The following LUZP2 variants were observed in gnomAD, a reference collection of about 807,000 sequenced individuals.
LUZP2 encodes leucine zipper protein 2.
Under a neutral mutation model 51.6 loss-of-function variants are expected in LUZP2, and 52 were observed. That is an observed-to-expected ratio of 1.01 (90% CI 0.81 to 1.27). The LOEUF (loss-of-function observed/expected upper bound fraction) is 1.27, where lower values mean the gene tolerates loss of function less well. Among genes scored for constraint, LUZP2 ranks in the 50% most tolerant of loss-of-function variants. The pLI is 0.00. For missense variants in LUZP2, 436 were observed against 395.4 expected (o/e 1.10, Z -0.87); for synonymous variants, 154 against 137.3 (o/e 1.12, Z -0.85).
rs1037329003 is a variant in LUZP2, at chr11:25,080,940, A to G, written c.*2282A>G. ...GTTGATATTAATCATGTTTTTATCA[A>G]TCTTCATTTTAAAGTTGTTTTTGTT... On this transcript the variant is annotated 3_prime_UTR_variant, in exon 12 of 12. Transcript: ENST00000336930. 15 of 151,792 alleles carry G rather than the reference A, an allele frequency of 9.9e-5. No homozygotes were observed. Among genetic ancestry groups the G allele is most frequent in the Non-Finnish European group, 1.6e-4 (11 of 67,982 alleles). The allele number at this position is 151,792 out of a possible 1,614,324, so 9.4% of individuals were successfully genotyped here.
intron 7 of LUZP2, among the ~76,000 whole-genome samples, chr11:24,972,497 A>T (rs188292359): frequency 1.3e-5 from 2 of 152,138 alleles, no homozygotes; most frequent in Non-Finnish European, 1.5e-5. Flanking sequence ...AAAAACTAGT[A>T]CTCCAATTTC....
At chr11:24,528,390 C>T (rs1034408648) in intron 1 of LUZP2, among the ~76,000 whole-genome samples, 1 of 151,232 alleles carries the variant, frequency 6.6e-6, no homozygotes, top group Non-Finnish European at 1.5e-5. Flanking sequence ...CACCAAAGAA[C>T]ATCTCAGGGG....
chr11:24,574,579 A>G (rs1852578915), intron 1 of LUZP2, among the ~76,000 whole-genome samples: 1 of 152,054 alleles, frequency 6.6e-6, no homozygotes, highest in South Asian at 2.1e-4. Context: ...TAAAACTACT[A>G]CAATAGAGGA....
rs900877250 is a variant in LUZP2 at position 24,600,189 on chromosome 11, A to G, written c.62+102884A>G. Among the ~76,000 whole-genome samples, 587 of 135,116 alleles carry G rather than the reference A, an allele frequency of 4.3e-3. 3 individuals carry two copies. The highest frequency in any genetic ancestry group is 0.016 in the African/African-American group (548 of 34,420). 88.6% of individuals were successfully genotyped at this position (135,116 alleles called of 152,430 possible). On this transcript the variant is annotated intron_variant, in intron 1 of 11. Transcript: ENST00000336930. ...TGTAGATTACAACACACACACACAC[A>G]CACACACACACACACACACACACAC...
intron 1 of LUZP2, among the ~76,000 whole-genome samples, chr11:24,618,611 C>A (rs1360084471): frequency 6.6e-6 from 1 of 152,136 alleles, no homozygotes; most frequent in East Asian, 1.9e-4. Context: ...TAAGTTGTAT[C>A]TTCTTCAATT....
chr11:24,880,586 G>T (rs2134292035), intron 5 of LUZP2, among the ~76,000 whole-genome samples: 1 of 152,242 alleles, frequency 6.6e-6, no homozygotes, highest in African/African-American at 2.4e-5. Context: ...TTGGCCCAGA[G>T]AACACATTTT....
intron 1 of LUZP2, among the ~76,000 whole-genome samples, chr11:24,616,559 C>T (rs1011166932): frequency 6.6e-6 from 1 of 151,568 alleles, no homozygotes; most frequent in African/African-American, 2.4e-5. Flanking sequence ...CTTGAAAAGA[C>T]TACCTTTCCA....
intron 1 of LUZP2, among the ~76,000 whole-genome samples, chr11:24,728,137 C>T (rs1020035895): frequency 1.3e-5 from 2 of 151,884 alleles, no homozygotes; most frequent in East Asian, 1.9e-4. Flanking sequence ...AGCCGTTTTC[C>T]CACAATTTTA....
At chr11:24,706,635 G>A (rs1251736775) in intron 1 of LUZP2, among the ~76,000 whole-genome samples, 1 of 152,142 alleles carries the variant, frequency 6.6e-6, no homozygotes, top group Non-Finnish European at 1.5e-5. Context: ...ATAATGATGA[G>A]GGTGGGACGC....
chr11:24,713,326 T>C (rs1383301595), intron 1 of LUZP2, among the ~76,000 whole-genome samples: 3 of 152,324 alleles, frequency 2.0e-5, no homozygotes, highest in Non-Finnish European at 4.4e-5. Flanking sequence ...ATCATTTTAA[T>C]ACCCTAGCGA....
At chr11:24,959,429 C>G (rs1404421756) in intron 7 of LUZP2, among the ~76,000 whole-genome samples, 4 of 152,116 alleles carry the variant, frequency 2.6e-5, no homozygotes, top group East Asian at 3.9e-4. Context: ...CTTTTATTTC[C>G]TTGAGCAGCG....
chr11:24,612,432 G>A (rs1321122170), intron 1 of LUZP2, among the ~76,000 whole-genome samples: 1 of 152,046 alleles, frequency 6.6e-6, no homozygotes, highest in Non-Finnish European at 1.5e-5. Flanking sequence ...ATACTCTTTG[G>A]AATGAAGACT....
intron 1 of LUZP2, among the ~76,000 whole-genome samples, chr11:24,612,212 A>G (rs1368972816): frequency 6.6e-6 from 1 of 152,166 alleles, no homozygotes. Flanking sequence ...ATTAATGTGG[A>G]TTACATAGTT....
chr11:24,847,012 A>T (rs991507667), intron 5 of LUZP2, among the ~76,000 whole-genome samples: 15 of 151,790 alleles, frequency 9.9e-5, no homozygotes, highest in African/African-American at 3.6e-4. Context: ...CTCCATATAT[A>T]TGCATACATA....
At chr11:24,860,091 C>T (rs370295164) in intron 5 of LUZP2, among the ~76,000 whole-genome samples, 13 of 152,216 alleles carry the variant, frequency 8.5e-5, no homozygotes, top group Non-Finnish European at 1.6e-4. Context: ...CTCCAGGCTA[C>T]GCTTTTCCCC....
chr11:24,827,304 T>G (rs1031941003), intron 5 of LUZP2, among the ~76,000 whole-genome samples: 2 of 152,190 alleles, frequency 1.3e-5, no homozygotes, highest in East Asian at 3.9e-4. Flanking sequence ...ATTTCTGCTT[T>G]CTTCAGGCCC....
intron 5 of LUZP2, among the ~76,000 whole-genome samples, chr11:24,879,226 G>A (rs764607175): frequency 1.2e-4 from 18 of 152,120 alleles, no homozygotes; most frequent in Non-Finnish European, 2.5e-4. Flanking sequence ...TTACAGGCGT[G>A]AGGCACCCTG....
chr11:24,771,184 A>G (rs977374791), intron 5 of LUZP2, among the ~76,000 whole-genome samples: 2 of 151,922 alleles, frequency 1.3e-5, no homozygotes, highest in Non-Finnish European at 2.9e-5. Flanking sequence ...TTCACATTGC[A>G]GAATCTAGTC....
intron 7 of LUZP2, among the ~76,000 whole-genome samples, chr11:24,972,228 T>C (rs1448371115): frequency 6.6e-6 from 1 of 151,756 alleles, no homozygotes; most frequent in Admixed American, 6.6e-5. Context: ...GAATTTATTC[T>C]TCCTGCCCTG....
Sources: gnomAD v4.1 joint callset for allele counts (sites outside exome capture counted in the v4.1 genomes callset) on GRCh38, gnomAD v4.1.1 for gene constraint, MANE v1.5 for transcripts, NCBI Gene and HGNC (gene_info 2026-07-23, HGNC 2026-07-21) for gene names.